The following ACOX3 variants were observed in gnomAD, a reference collection of about 807,000 sequenced individuals.
ACOX3 encodes the protein acyl-CoA oxidase 3, pristanoyl.
In ACOX3, 73 loss-of-function variants were observed where a neutral mutation model predicts 81.5. The observed-to-expected ratio is 0.90, with a 90% CI of 0.74 to 1.09. The LOEUF is 1.09. ACOX3 is among the 50% of genes least tolerant of loss of function. The probability of loss-of-function intolerance (pLI) is 0.00; values close to 1 mark genes in which losing one functional copy is unlikely to be tolerated. For missense variants in ACOX3, 947 were observed against 928.0 expected (o/e 1.02, Z -0.27); for synonymous variants, 387 against 375.1 (o/e 1.03, Z -0.37).
At position 8,405,414 on chromosome 4, in the gene ACOX3, GCC is replaced by G. The variant is rs1353433516; in HGVS notation, c.776+539_776+540del. 6.6e-6 allele frequency among the ~76,000 whole-genome samples: 1 copy of G among 152,206 alleles called. No individual in the cohort carries two copies. Among genetic ancestry groups the G allele is most frequent in the Non-Finnish European group, 1.5e-5 (1 of 68,034 alleles). The stretch of plus-strand genomic sequence containing the variant: ...CATCCAACCCTTCAGCCAGGCCTTG[GCC>G]ACACCAACCCGGTGTCACATGTGTG... On this transcript the variant is annotated intron_variant, in intron 7 of 17. Transcript: ENST00000356406. This position sits in a 1 kb window ranked among gnomAD's most constrained non-coding sequence, Gnocchi z 7.1.
intron 5 of ACOX3, among the ~76,000 whole-genome samples, chr4:8,411,854 T>A (rs1721761139): frequency 6.6e-6 from 1 of 152,222 alleles, no homozygotes; most frequent in Non-Finnish European, 1.5e-5. Flanking sequence ...TGGAAAGCTG[T>A]GCCTCACACA....
chr4:8,396,791 G>A, intron 9 of ACOX3, 146 bp downstream of exon 9: 1 of 892,364 alleles, frequency 1.1e-6, no homozygotes, highest in Non-Finnish European at 1.6e-6. Flanking sequence ...TGCGGCCTGA[G>A]ATGCCGCACT....
In ACOX3 at chr4:8,370,474, C is replaced by T. The variant is rs1716039328; in HGVS notation, c.1983+434G>A. Among the ~76,000 whole-genome samples the T allele has an allele frequency of 6.7e-6, 1 of 150,144 alleles. No individual in the cohort carries two copies. The highest frequency in any genetic ancestry group is 1.5e-5 in the Non-Finnish European group (1 of 67,778). Reference sequence around the variant, plus strand: ...AGGGGAGAGTAACCCCGGTGACAACCATGGATGGTCAGAGGGGACAGAGGG... The same window carrying T: ...AGGGGAGAGTAACCCCGGTGACAACTATGGATGGTCAGAGGGGACAGAGGG... On this transcript the variant is annotated intron_variant, in intron 17 of 17. Transcript: ENST00000356406. This position sits in a 1 kb window ranked among gnomAD's most constrained non-coding sequence, Gnocchi z 6.3.
intron 13 of ACOX3, among the ~76,000 whole-genome samples, 187 bp downstream of exon 13, chr4:8,388,986 A>G (rs1013735525): frequency 2.0e-5 from 3 of 152,182 alleles, no homozygotes; most frequent in African/African-American, 7.2e-5. Context: ...GTCAGCGCCT[A>G]ACTCGGCGTC....
In ACOX3 at chr4:8,414,270, C is replaced by T. The variant is rs2108975703; in HGVS notation, c.543+22G>A. 6.2e-7 allele frequency: 1 copy of T among 1,603,440 alleles called. No individual in the cohort carries two copies. Among genetic ancestry groups the T allele is most frequent in the Non-Finnish European group, 8.5e-7 (1 of 1,170,490 alleles). On this transcript the variant is annotated intron_variant, in intron 5 of 17. Transcript: ENST00000356406. This position sits in a 1 kb window ranked among gnomAD's most constrained non-coding sequence, Gnocchi z 6.1. Reference sequence around the variant, plus strand: ...GTCTCATATGCTCCAAACTCAGGGACCCGGGGGAAGGTAATACCTACCTCA... The same window carrying T: ...GTCTCATATGCTCCAAACTCAGGGATCCGGGGGAAGGTAATACCTACCTCA...
Position 8,423,830 on chromosome 4 carries a change from C to T in ACOX3, c.-14-7295G>A, listed in dbSNP as rs1285998061. Among the ~76,000 whole-genome samples the T allele has an allele frequency of 1.3e-5, 2 of 152,168 alleles. No individual in the cohort carries two copies. The highest frequency in any genetic ancestry group is 4.8e-5 in the African/African-American group (2 of 41,442). On this transcript the variant is annotated intron_variant, in intron 1 of 17. Transcript: ENST00000356406. The surrounding 1 kb of genome is among the most constrained non-coding windows in gnomAD (Gnocchi z 4.2). ...TCTCAACACACCTGGACTGTTTTAC[C>T]CCAAGGGTTCATGGACAGCCCCCAT...
intron 13 of ACOX3, among the ~76,000 whole-genome samples, chr4:8,387,185 T>C (rs1290501932): frequency 6.6e-6 from 1 of 152,274 alleles, no homozygotes; most frequent in Non-Finnish European, 1.5e-5. Context: ...CGCCAAGTGC[T>C]GCACTAAGTG....
intron 8 of ACOX3, among the ~76,000 whole-genome samples, chr4:8,398,443 A>T (rs551864633): frequency 9.2e-5 from 14 of 152,170 alleles, no homozygotes; most frequent in African/African-American, 3.4e-4. Context: ...CCTCTCATTT[A>T]GAGACATTTC....
chr4:8,431,722 C>T lies in ACOX3; in HGVS notation c.-15+8926G>A, dbSNP rs1723963849. On this transcript the variant is annotated intron_variant, in intron 1 of 17. Coordinates refer to ENST00000356406, the MANE Select transcript of ACOX3 (RefSeq NM_003501.3). This position sits in a 1 kb window ranked among gnomAD's most constrained non-coding sequence, Gnocchi z 5.3. Reference sequence around the variant, plus strand: ...TCATCAGTAACTCAGTGGACAATGACCCACGGGAGCACTGCCATAGGGCCT... The same window carrying T: ...TCATCAGTAACTCAGTGGACAATGATCCACGGGAGCACTGCCATAGGGCCT... 6.6e-6 allele frequency among the ~76,000 whole-genome samples: 1 copy of T among 152,200 alleles called. No individual in the cohort carries two copies. Among genetic ancestry groups the T allele is most frequent in the Non-Finnish European group, 1.5e-5 (1 of 68,038 alleles).
chr4:8,364,433 A>G (rs1715305223), downstream of ACOX3, among the ~76,000 whole-genome samples: 1 of 152,246 alleles, frequency 6.6e-6, no homozygotes, highest in African/African-American at 2.4e-5. This position sits in a 1 kb window ranked among gnomAD's most constrained non-coding sequence, Gnocchi z 5.0. Context: ...GGTGGATATG[A>G]AAATGCAAAC....
At chr4:8,357,233 C>T in the ACOX3 span, 6 of 456,634 alleles carry the variant, frequency 1.3e-5, no homozygotes, top group Non-Finnish European at 2.6e-5. Flanking sequence ...ACGTTCCCAG[C>T]AGCTGAGAGA....
Position 8,384,854 on chromosome 4 carries a change from C to T in ACOX3, c.1538-3247G>A, listed in dbSNP as rs560918475. On this transcript the variant is annotated intron_variant, in intron 13 of 17. Transcript: ENST00000356406. The surrounding 1 kb of genome is among the most constrained non-coding windows in gnomAD (Gnocchi z 5.3). ...CAGGCCCGGGTCTGACCATGCCCGC[C>T]GCTCTGGTGCTCCTGAATGGCCGGT... Among the ~76,000 whole-genome samples the T allele has an allele frequency of 1.4e-4, 21 of 152,348 alleles. No individual in the cohort carries two copies. Among genetic ancestry groups the T allele is most frequent in the South Asian group, 1.2e-3 (6 of 4,824 alleles).
chr4:8,390,310 C>T (rs972263972), intron 11 of ACOX3, among the ~76,000 whole-genome samples: 5 of 151,988 alleles, frequency 3.3e-5, no homozygotes, highest in Admixed American at 1.3e-4. Context: ...TGCCACTGTA[C>T]TCCAGCCTCC....
At chr4:8,417,006 C>T (rs62286047) in intron 1 of ACOX3, among the ~76,000 whole-genome samples, 4,138 of 152,352 alleles carry the variant, frequency 0.027, 70 homozygotes, top group South Asian at 0.041. Flanking sequence ...CACCCACCGC[C>T]GGTCCACCTG....
chr4:8,412,947 C>A (rs1227693021), intron 5 of ACOX3, among the ~76,000 whole-genome samples: 2 of 150,402 alleles, frequency 1.3e-5, no homozygotes, highest in East Asian at 4.0e-4. Flanking sequence ...CAACCCGCAC[C>A]CCTCCACAGC....
intron 1 of ACOX3, chr4:8,436,027 A>G (rs563584582): frequency 6.6e-6 from 1 of 152,286 alleles, no homozygotes; most frequent in African/African-American, 2.4e-5. Flanking sequence ...AATGCCTCTC[A>G]GGGAGACACG....
At chr4:8,411,337 G>A (rs1022867695) in intron 5 of ACOX3, among the ~76,000 whole-genome samples, 4 of 152,240 alleles carry the variant, frequency 2.6e-5, no homozygotes, top group Non-Finnish European at 5.9e-5. Context: ...GTGCCGGGGA[G>A]GGCTTCCTCC....
At chr4:8,402,815 C>G (rs1419330409) in intron 7 of ACOX3, among the ~76,000 whole-genome samples, 1 of 152,176 alleles carries the variant, frequency 6.6e-6, no homozygotes, top group Non-Finnish European at 1.5e-5. Context: ...CACAGAAACC[C>G]TCACTCCAAT....
intron 1 of ACOX3, chr4:8,436,158 G>A (rs1579012814): frequency 1.3e-5 from 2 of 152,304 alleles, no homozygotes; most frequent in East Asian, 3.9e-4. Flanking sequence ...CCGCCACCTT[G>A]TTCCCAGCAG....
Sources: allele counts gnomAD v4.1 joint callset (sites outside exome capture counted in the v4.1 genomes callset), GRCh38; gene constraint gnomAD v4.1.1; non-coding constraint Gnocchi (gnomAD v3.1); transcripts MANE v1.5; gene names NCBI Gene and HGNC (gene_info 2026-07-23, HGNC 2026-07-21).